The following GALNT17 variants were observed in gnomAD, a reference collection of about 807,000 sequenced individuals.
The protein encoded by GALNT17 is UDP-GalNAc:polypeptide N-acetylgalactosaminyltransferase-like 3.
GALNT17 carries 29 observed loss-of-function variants against 63.7 expected under a neutral mutation model. That is an observed-to-expected ratio of 0.46 (90% CI 0.34 to 0.62). The LOEUF (loss-of-function observed/expected upper bound fraction) is 0.62, where lower values mean the gene tolerates loss of function less well. GALNT17 is among the 20% of genes least tolerant of loss of function. GALNT17 has a pLI of 0.01. For missense variants in GALNT17, 603 were observed against 799.6 expected (o/e 0.75, Z 2.97); for synonymous variants, 305 against 318.3 (o/e 0.96, Z 0.45).
intron 1 of GALNT17, among the ~76,000 whole-genome samples, chr7:71,265,123 T>TTTTTTTTC (rs1790469890): frequency 3.2e-5 from 1 of 31,596 alleles, no homozygotes; most frequent in Non-Finnish European, 6.2e-5. Context: ...TATATATTTT[T>TTTTTTTTC]TTTTTTTTTT....
At chr7:71,282,758 T>C (rs12155368) in intron 1 of GALNT17, among the ~76,000 whole-genome samples, 67,170 of 150,774 alleles carry the variant, frequency 0.45, 16,829 homozygotes, top group Non-Finnish European at 0.55. Context: ...GAAGCAGATA[T>C]GGTAGGGGGA....
In GALNT17 at chr7:71,479,324, C is replaced by T. The variant is rs1031151468; in HGVS notation, c.962+58219C>T. On this transcript the variant is annotated intron_variant, in intron 5 of 10. Coordinates refer to ENST00000333538, the MANE Select transcript of GALNT17 (RefSeq NM_022479.3). The stretch of plus-strand genomic sequence containing the variant: ...GAAAAGGCAAAATGTTATTTTTTTC[C>T]CCACTCAGTTTTGCACTGGGGCTCA... Among the ~76,000 whole-genome samples the T allele has an allele frequency of 5.3e-5, 8 of 151,766 alleles. No homozygotes were observed. In the East Asian group the frequency reaches 5.8e-4, roughly 11 times the overall value.
chr7:71,682,377 A>G (rs968056286), intron 9 of GALNT17, among the ~76,000 whole-genome samples: 2 of 151,644 alleles, frequency 1.3e-5, no homozygotes, highest in Non-Finnish European at 2.9e-5. Flanking sequence ...ACCTCCAGAC[A>G]TAGTCTGGGG....
In GALNT17 at chr7:71,393,995, ATCT is replaced by A. The variant is rs577993548; in HGVS notation, c.589+5599_589+5601del. On this transcript the variant is annotated intron_variant, in intron 3 of 10. Transcript: ENST00000333538. ...CACTACTCTCTGCTGATTCTCCCCG[ATCT>A]TCTTTTTGCAGCTGTTCTTCTCTTC... 1.9e-4 allele frequency among the ~76,000 whole-genome samples: 29 copies of A among 151,356 alleles called. No individual in the cohort carries two copies. The South Asian group carries it at 6.1e-3, about 32-fold the overall frequency.
intron 1 of GALNT17, among the ~76,000 whole-genome samples, chr7:71,167,792 C>T (rs1164762986): frequency 2.6e-5 from 4 of 152,096 alleles, no homozygotes; most frequent in South Asian, 2.1e-4. Flanking sequence ...TGGGTTCAAG[C>T]GATTCTTGTG....
At chr7:71,403,555 A>T (rs144505129) in intron 3 of GALNT17, among the ~76,000 whole-genome samples, 1 of 152,288 alleles carries the variant, frequency 6.6e-6, no homozygotes, top group African/African-American at 2.4e-5. Context: ...TTGATAGAAC[A>T]CTCGTATGAT....
intron 6 of GALNT17, among the ~76,000 whole-genome samples, chr7:71,590,145 T>C (rs1055796014): frequency 1.3e-5 from 2 of 152,166 alleles, no homozygotes; most frequent in Non-Finnish European, 2.9e-5. Context: ...ATCCATAAAT[T>C]GTATTATATT....
chr7:71,285,399 A>C (rs570359955), intron 1 of GALNT17, among the ~76,000 whole-genome samples: 20 of 152,276 alleles, frequency 1.3e-4, no homozygotes, highest in African/African-American at 4.6e-4. Context: ...TTGTCATGTA[A>C]ATTTTTAGGA....
chr7:71,310,967 G>A (rs1285373423), intron 1 of GALNT17, among the ~76,000 whole-genome samples: 1 of 152,204 alleles, frequency 6.6e-6, no homozygotes, highest in Non-Finnish European at 1.5e-5. Flanking sequence ...TTTGCAGGAG[G>A]TAACACCAGT....
chr7:71,143,747 T>C (rs1210487476), intron 1 of GALNT17, among the ~76,000 whole-genome samples: 4 of 151,890 alleles, frequency 2.6e-5, no homozygotes, highest in African/African-American at 4.8e-5. Flanking sequence ...TGGGTTGGAA[T>C]GCAGCAGTAG....
At chr7:71,266,304 C>T (rs1042748118) in intron 1 of GALNT17, among the ~76,000 whole-genome samples, 12 of 152,064 alleles carry the variant, frequency 7.9e-5, no homozygotes, top group Non-Finnish European at 1.6e-4. Context: ...CCCTATGTGT[C>T]GGAGGAGGGG....
chr7:71,340,131 A>G (rs1463071943), intron 2 of GALNT17, among the ~76,000 whole-genome samples: 2 of 152,206 alleles, frequency 1.3e-5, no homozygotes, highest in Non-Finnish European at 2.9e-5. Context: ...AGAATTGGAG[A>G]TGACAGGCAT....
At chr7:71,482,947 G>C (rs796330385) in intron 5 of GALNT17, among the ~76,000 whole-genome samples, 1 of 152,166 alleles carries the variant, frequency 6.6e-6, no homozygotes, top group Admixed American at 6.5e-5. Flanking sequence ...GGCAGAGCTC[G>C]GTGGGTAAGG....
intron 6 of GALNT17, among the ~76,000 whole-genome samples, chr7:71,642,828 C>G (rs1029024823): frequency 6.9e-6 from 1 of 145,670 alleles, no homozygotes; most frequent in African/African-American, 2.6e-5. Flanking sequence ...GAGTGAGACT[C>G]TGTCTCAAAA....
At position 71,633,103 on chromosome 7, in the gene GALNT17, CAAAAAA is replaced by C. The variant is rs71089970; in HGVS notation, c.1081-32291_1081-32286del. On this transcript the variant is annotated intron_variant, in intron 6 of 10. Coordinates refer to ENST00000333538, the MANE Select transcript of GALNT17 (RefSeq NM_022479.3). ...TGGGCGACAGAGTGAGACTCTGTCT[CAAAAAA>C]AAAAAAAAAAAAAAAAGAAGGTTGA... Among the ~76,000 whole-genome samples, 245 of 72,354 alleles carry C rather than the reference CAAAAAA, an allele frequency of 3.4e-3. 2 individuals are homozygous for C. The highest frequency in any genetic ancestry group is 0.014 in the African/African-American group (231 of 16,760). 47.5% of individuals were successfully genotyped at this position (72,354 alleles called of 152,430 possible).
intron 1 of GALNT17, among the ~76,000 whole-genome samples, chr7:71,244,876 G>A (rs1362588266): frequency 6.6e-6 from 1 of 151,984 alleles, no homozygotes; most frequent in Non-Finnish European, 1.5e-5. Flanking sequence ...CTTGAGCCCA[G>A]GGGTTCAAGG....
chr7:71,676,713 A>G (rs931451987), intron 8 of GALNT17, among the ~76,000 whole-genome samples: 1 of 152,164 alleles, frequency 6.6e-6, no homozygotes, highest in Non-Finnish European at 1.5e-5. Context: ...GCCTTTATGC[A>G]AATAATGACC....
At chr7:71,666,273 T>C (rs1790983829) in intron 7 of GALNT17, among the ~76,000 whole-genome samples, 1 of 151,472 alleles carries the variant, frequency 6.6e-6, no homozygotes, top group Non-Finnish European at 1.5e-5. Context: ...CAAAATGGCA[T>C]AGTGTTTGCA....
intron 6 of GALNT17, among the ~76,000 whole-genome samples, chr7:71,594,753 G>A (rs555457306): frequency 6.6e-6 from 1 of 152,276 alleles, no homozygotes; most frequent in South Asian, 2.1e-4. Flanking sequence ...TAGCTATGTA[G>A]CAAATAGCCC....
Sources: allele counts gnomAD v4.1 joint callset (sites outside exome capture counted in the v4.1 genomes callset), GRCh38; gene constraint gnomAD v4.1.1; transcripts MANE v1.5; gene names NCBI Gene and HGNC (gene_info 2026-07-23, HGNC 2026-07-21).